The following SLC22A25 variants were observed in gnomAD, a reference collection of about 807,000 sequenced individuals.
The protein encoded by SLC22A25 is MGI:2442751, MGI:2385316, MGI:3042283, MGI:3645714, MGI:3605624, MGI:2442750.
In SLC22A25, 44 loss-of-function variants were observed where a neutral mutation model predicts 45.9. The observed-to-expected ratio is 0.96, with a 90% CI of 0.75 to 1.23. SLC22A25 has a LOEUF of 1.23. SLC22A25 is among the 50% of genes most tolerant of loss of function. SLC22A25 has a pLI of 0.00. For synonymous variants in SLC22A25, 283 were observed against 238.6 expected (o/e 1.19, Z -1.72); for missense variants, 800 against 666.4 (o/e 1.20, Z -2.21).
chr11:63,174,292 A>G (rs1237167230), intron 9 of SLC22A25, among the ~76,000 whole-genome samples: 1 of 152,102 alleles, frequency 6.6e-6, no homozygotes, highest in African/African-American at 2.4e-5. Flanking sequence ...TTCTTAATCT[A>G]GTCTATCAAG....
intron 9 of SLC22A25, among the ~76,000 whole-genome samples, chr11:63,175,249 C>T (rs2134723054): frequency 6.6e-6 from 1 of 152,206 alleles, no homozygotes; most frequent in East Asian, 1.9e-4. Context: ...AATTTTTCCA[C>T]ATTCTTGCCA....
At chr11:63,183,156 A>T (rs928290232) in intron 8 of SLC22A25, among the ~76,000 whole-genome samples, 1 of 152,162 alleles carries the variant, frequency 6.6e-6, no homozygotes, top group Admixed American at 6.6e-5. Flanking sequence ...TATAGTAAGT[A>T]GAAGAAACTC....
intron 5 of SLC22A25, among the ~76,000 whole-genome samples, chr11:63,219,247 T>C (rs1463238043): frequency 6.6e-6 from 1 of 152,020 alleles, no homozygotes; most frequent in East Asian, 1.9e-4. Flanking sequence ...GAGAGTGTTA[T>C]TACATTCACA....
intron 1 of SLC22A25, among the ~76,000 whole-genome samples, chr11:63,240,461 TAAAC>T (rs575468455): frequency 6.6e-6 from 1 of 152,224 alleles, no homozygotes; most frequent in South Asian, 2.1e-4. Context: ...ACTAAATATA[TAAAC>T]AAACATTTTC....
rs542675818 is a variant in SLC22A25, at chr11:63,159,562, C to G, written c.*4262G>C. Among the ~76,000 whole-genome samples the G allele has an allele frequency of 6.6e-6, 1 of 152,298 alleles. No individual in the cohort carries two copies. The highest frequency in any genetic ancestry group is 1.9e-4 in the East Asian group (1 of 5,188). The stretch of plus-strand genomic sequence containing the variant: ...CAGGTGGAACTGTGAGTACATTAAA[C>G]CTCTTTTCTTTATAACTTACCCAGT... On this transcript the variant is annotated 3_prime_UTR_variant, in exon 12 of 12. Coordinates refer to ENST00000306494, the MANE Select transcript of SLC22A25 (RefSeq NM_199352.6).
rs1277916194 is a variant in SLC22A25 at position 63,187,775 on chromosome 11, AG to A, written c.831-3959del. Among the ~76,000 whole-genome samples, 11 of 152,338 alleles carry A rather than the reference AG, an allele frequency of 7.2e-5. No individual in the cohort carries two copies. The East Asian group carries it at 1.9e-3, about 27-fold the overall frequency. ...ATGAAGAATTGTTGAATTTTATCAA[AG>A]GCCGTTTCTGCATCTTTTGAGATAA... On this transcript the variant is annotated intron_variant, in intron 7 of 11. Coordinates refer to ENST00000306494, the MANE Select transcript of SLC22A25 (RefSeq NM_199352.6).
At chr11:63,227,468 T>C (rs1446037347) in intron 5 of SLC22A25, among the ~76,000 whole-genome samples, 1 of 152,054 alleles carries the variant, frequency 6.6e-6, no homozygotes, top group Non-Finnish European at 1.5e-5. Flanking sequence ...AATGAAGGGA[T>C]CATGACTCTG....
intron 4 of SLC22A25, 74 bp downstream of exon 4, chr11:63,229,177 G>A: frequency 7.0e-7 from 1 of 1,423,410 alleles, no homozygotes; most frequent in Non-Finnish European, 9.4e-7. Context: ...CTAAAGGCTG[G>A]AAGCACAATC....
rs1309627826 is a variant in SLC22A25, at chr11:63,158,656, C to T, written c.*5168G>A. Reference sequence around the variant, plus strand: ...ATGTACAATTAAATTATTTTGACTACAGCACCCTGTTGTGTTATCAAATAC... The same window carrying T: ...ATGTACAATTAAATTATTTTGACTATAGCACCCTGTTGTGTTATCAAATAC... On this transcript the variant is annotated 3_prime_UTR_variant, in exon 12 of 12. Coordinates refer to ENST00000306494, the MANE Select transcript of SLC22A25 (RefSeq NM_199352.6). 6.6e-6 allele frequency among the ~76,000 whole-genome samples: 1 copy of T among 152,164 alleles called. No homozygotes were observed. The highest frequency in any genetic ancestry group is 1.5e-5 in the Non-Finnish European group (1 of 68,034).
chr11:63,186,865 C>T (rs1378950447), intron 7 of SLC22A25, among the ~76,000 whole-genome samples: 2 of 151,850 alleles, frequency 1.3e-5, no homozygotes, highest in African/African-American at 2.4e-5. Flanking sequence ...AGATATGTGG[C>T]ATTATTTCTG....
chr11:63,220,098 C>G, intron 5 of SLC22A25: 1 of 967,072 alleles, frequency 1.0e-6, no homozygotes, highest in Non-Finnish European at 1.4e-6. Flanking sequence ...CAATATTGTC[C>G]TTAGATTACT....
chr11:63,187,113 T>C (rs921684350), intron 7 of SLC22A25, among the ~76,000 whole-genome samples: 2 of 152,208 alleles, frequency 1.3e-5, no homozygotes, highest in Admixed American at 1.3e-4. Context: ...GGGATGTCAT[T>C]GAATCTATCA....
chr11:63,217,070 T>C (rs2089730216), intron 7 of SLC22A25, among the ~76,000 whole-genome samples: 1 of 152,244 alleles, frequency 6.6e-6, no homozygotes, highest in Non-Finnish European at 1.5e-5. Context: ...TTTTATTGCA[T>C]CCCTTGCAAT....
chr11:63,224,238 A>T (rs1255164971), intron 5 of SLC22A25, among the ~76,000 whole-genome samples: 1 of 152,012 alleles, frequency 6.6e-6, no homozygotes, highest in Non-Finnish European at 1.5e-5. Context: ...ATTTTGTCTC[A>T]TATAAGCGTA....
intron 1 of SLC22A25, among the ~76,000 whole-genome samples, chr11:63,239,761 C>A (rs925812862): frequency 6.6e-6 from 1 of 152,140 alleles, no homozygotes; most frequent in African/African-American, 2.4e-5. Flanking sequence ...GCAGAGTAAG[C>A]CATGGCAAGC....
intron 9 of SLC22A25, among the ~76,000 whole-genome samples, chr11:63,174,235 CCT>C (rs2088002950): frequency 6.6e-6 from 1 of 151,714 alleles, no homozygotes; most frequent in South Asian, 2.1e-4. Context: ...ATGAACTCAT[CCT>C]TTTTTATGGC....
chr11:63,164,626 T>C lies in SLC22A25; in HGVS notation c.1294A>G (p.Thr432Ala). ...AIIFVPQEMQ[T>A]LRVVLATLGV... The stretch of plus-strand genomic sequence containing the variant: ...AGGGTTGCCAAAACCACACGCAGGG[T>C]CTGCATTTCTGGAGAAAGGAAGACC... The change falls in exon 11 of 12, where the codon ACC (threonine) becomes GCC (alanine). Residue 432 changes from threonine to alanine, a missense_variant. Coordinates refer to ENST00000306494, the MANE Select transcript of SLC22A25 (RefSeq NM_199352.6). 1.2e-6 allele frequency: 2 copies of C among 1,613,368 alleles called. No individual in the cohort carries two copies. Among genetic ancestry groups the C allele is most frequent in the East Asian group, 2.2e-5 (1 of 44,820 alleles).
intron 9 of SLC22A25, chr11:63,166,497 G>T: frequency 8.0e-7 from 1 of 1,249,616 alleles, no homozygotes; most frequent in Non-Finnish European, 1.0e-6. Context: ...GTGCTATGGG[G>T]TTTATTTATT....
At chr11:63,230,225 G>A (rs1438364532) in intron 3 of SLC22A25, among the ~76,000 whole-genome samples, 129 bp from the exon 4 acceptor site, 1 of 152,154 alleles carries the variant, frequency 6.6e-6, no homozygotes, top group Non-Finnish European at 1.5e-5. Flanking sequence ...GTTGACTGAT[G>A]TTCTGCTTCA....
Sources: gnomAD v4.1 joint callset for allele counts (sites outside exome capture counted in the v4.1 genomes callset) on GRCh38, gnomAD v4.1.1 for gene constraint, MANE v1.5 for transcripts, NCBI Gene and HGNC (gene_info 2026-07-23, HGNC 2026-07-21) for gene names.